The following RSPO4 variants were observed in gnomAD, a reference collection of about 807,000 sequenced individuals.
The protein encoded by RSPO4 is R-spondin 4, also known as R-spondin-4.
A neutral mutation model predicts 24.8 loss-of-function variants in RSPO4; 23 were observed. The ratio of observed to expected loss-of-function variants is 0.93; its 90% CI spans 0.67 to 1.31. The LOEUF (loss-of-function observed/expected upper bound fraction) is 1.31. Ranked by LOEUF, RSPO4 falls within the 40% of genes most tolerant of loss-of-function variation. RSPO4 has a pLI of 0.00. For synonymous variants in RSPO4, 141 were observed against 127.4 expected (o/e 1.11, Z -0.72); for missense variants, 333 against 316.5 (o/e 1.05, Z -0.39).
At chr20:969,283 C>T (rs1285033106) in intron 1 of RSPO4, among the ~76,000 whole-genome samples, 1 of 152,318 alleles carries the variant, frequency 6.6e-6, no homozygotes, top group East Asian at 1.9e-4. Flanking sequence ...GTACTCCAGT[C>T]GGAGAGACAG....
chr20:969,187 A>G (rs1057401316), intron 1 of RSPO4, among the ~76,000 whole-genome samples: 14 of 152,206 alleles, frequency 9.2e-5, no homozygotes, highest in Admixed American at 8.5e-4. Context: ...ATGGTGGCAC[A>G]CACCTGTAGT....
intron 1 of RSPO4, among the ~76,000 whole-genome samples, chr20:985,098 C>T (rs868611431): frequency 9.9e-5 from 14 of 140,948 alleles, no homozygotes; most frequent in South Asian, 4.6e-4. Flanking sequence ...CACTCACCCA[C>T]CCATCTATCC....
At chr20:967,425 G>T in intron 2 of RSPO4, 111 bp from the exon 3 acceptor site, 1 of 1,159,346 alleles carries the variant, frequency 8.6e-7, no homozygotes, top group Non-Finnish European at 1.3e-6. Flanking sequence ...GGTAGCATTT[G>T]GGTCAGGACT....
intron 2 of RSPO4, 75 bp downstream of exon 2, chr20:967,875 G>T: frequency 7.3e-7 from 1 of 1,370,580 alleles, no homozygotes; most frequent in Non-Finnish European, 1.0e-6. Flanking sequence ...TCTGTGCTGG[G>T]GTGAAAGGGT....
At chr20:975,005 A>G (rs1473535523) in intron 1 of RSPO4, among the ~76,000 whole-genome samples, 5 of 152,182 alleles carry the variant, frequency 3.3e-5, no homozygotes, top group African/African-American at 1.2e-4. Context: ...AGACAGAAAA[A>G]ATTTCTGACT....
At chr20:979,534 T>C (rs1984673803) in intron 1 of RSPO4, among the ~76,000 whole-genome samples, 1 of 152,036 alleles carries the variant, frequency 6.6e-6, no homozygotes, top group African/African-American at 2.4e-5. Flanking sequence ...GCAGGAAGCA[T>C]AGGCTATGAC....
chr20:983,250 G>A (rs1475690222), intron 1 of RSPO4, among the ~76,000 whole-genome samples: 1 of 152,000 alleles, frequency 6.6e-6, no homozygotes, highest in Non-Finnish European at 1.5e-5. Flanking sequence ...CTTTGGCAGA[G>A]CACCTGGAGC....
At chr20:976,019 A>G (rs1321132416) in intron 1 of RSPO4, among the ~76,000 whole-genome samples, 1 of 152,162 alleles carries the variant, frequency 6.6e-6, no homozygotes, top group Non-Finnish European at 1.5e-5. Flanking sequence ...ACGTGTAACA[A>G]TGCAGGTTCC....
At chr20:978,635 T>C (rs1241388703) in intron 1 of RSPO4, among the ~76,000 whole-genome samples, 1 of 152,142 alleles carries the variant, frequency 6.6e-6, no homozygotes, top group Admixed American at 6.5e-5. Context: ...TGGAGAAAGC[T>C]GATGACCTCT....
intron 1 of RSPO4, among the ~76,000 whole-genome samples, chr20:983,090 A>AAC (rs1984792287): frequency 6.6e-6 from 1 of 152,252 alleles, no homozygotes; most frequent in African/African-American, 2.4e-5. Flanking sequence ...TCCTAAGATG[A>AAC]GCCCGAGTGA....
In RSPO4 at chr20:977,969, C is replaced by T. The variant is rs370592413; in HGVS notation, c.80-9831G>A. Among the ~76,000 whole-genome samples the T allele has an allele frequency of 1.6e-3, 242 of 152,332 alleles. 11 individuals carry two copies. The South Asian group carries it at 0.047, about 29-fold the overall frequency. Reference sequence around the variant, plus strand: ...GCCTCCACATATGGGAGGCAGTCGCCACTGCTGGAGGCTTGCTCAGAAGAT... The same window carrying T: ...GCCTCCACATATGGGAGGCAGTCGCTACTGCTGGAGGCTTGCTCAGAAGAT... On this transcript the variant is annotated intron_variant, in intron 1 of 4. Coordinates refer to ENST00000217260, the MANE Select transcript of RSPO4 (RefSeq NM_001029871.4).
chr20:986,366 C>A lies in RSPO4; in HGVS notation c.79+15720G>T, dbSNP rs186320193. Among the ~76,000 whole-genome samples, 160 of 152,166 alleles carry A rather than the reference C, an allele frequency of 1.1e-3. 1 individual carries two copies. Among genetic ancestry groups the A allele is most frequent in the African/African-American group, 3.7e-3 (152 of 41,514 alleles). On this transcript the variant is annotated intron_variant, in intron 1 of 4. Coordinates refer to ENST00000217260, the MANE Select transcript of RSPO4 (RefSeq NM_001029871.4). ...AGTGACAGCTGTCTCTATCCCCATT[C>A]CTTCTTCTGCTCCCCAACATACAGG...
intron 1 of RSPO4, among the ~76,000 whole-genome samples, chr20:972,010 T>A (rs1310324345): frequency 6.6e-6 from 1 of 152,192 alleles, no homozygotes; most frequent in Admixed American, 6.5e-5. Context: ...GACTCGTGCC[T>A]CTGCACACTT....
intron 4 of RSPO4, among the ~76,000 whole-genome samples, chr20:961,842 C>A (rs947975712): frequency 2.0e-5 from 3 of 151,930 alleles, no homozygotes; most frequent in African/African-American, 7.3e-5. Flanking sequence ...TCTACTCACC[C>A]ACCTCCATAC....
intron 1 of RSPO4, among the ~76,000 whole-genome samples, chr20:976,569 A>AT (rs1050870702): frequency 1.4e-4 from 21 of 150,268 alleles, no homozygotes; most frequent in East Asian, 5.8e-4. Context: ...TGATCGCTGT[A>AT]TTTTTTTTTT....
At chr20:978,453 C>A (rs146483900) in intron 1 of RSPO4, among the ~76,000 whole-genome samples, 1 of 152,180 alleles carries the variant, frequency 6.6e-6, no homozygotes, top group Non-Finnish European at 1.5e-5. Flanking sequence ...CCTTTAAATC[C>A]CCACGGCCCT....
At chr20:973,275 G>A (rs1344139730) in intron 1 of RSPO4, among the ~76,000 whole-genome samples, 2 of 152,220 alleles carry the variant, frequency 1.3e-5, no homozygotes, top group African/African-American at 2.4e-5. Context: ...GGTCAAGATG[G>A]AGACAAAGCA....
At chr20:975,224 G>C (rs1407695740) in intron 1 of RSPO4, among the ~76,000 whole-genome samples, 2 of 152,160 alleles carry the variant, frequency 1.3e-5, no homozygotes, top group Admixed American at 1.3e-4. Context: ...GGTGCTCCAG[G>C]GGACACTGAG....
At chr20:986,553 C>A (rs774695023) in intron 1 of RSPO4, among the ~76,000 whole-genome samples, 12 of 149,930 alleles carry the variant, frequency 8.0e-5, no homozygotes, top group Admixed American at 5.4e-4. Flanking sequence ...AAATTCAGCA[C>A]TGGACTAGGC....
Sources: allele counts gnomAD v4.1 joint callset (sites outside exome capture counted in the v4.1 genomes callset), GRCh38; gene constraint gnomAD v4.1.1; transcripts MANE v1.5; gene names NCBI Gene and HGNC (gene_info 2026-07-23, HGNC 2026-07-21).